C8orf34: variants seen among roughly 807,000 people sequenced by gnomAD.
C8orf34 encodes chromosome 8 open reading frame 34.
C8orf34 carries 65 observed loss-of-function variants against 68.3 expected under a neutral mutation model. The ratio of observed to expected loss-of-function variants is 0.95; its 90% CI spans 0.78 to 1.17. C8orf34 has a LOEUF of 1.17. Ranked by LOEUF, C8orf34 falls within the 50% of genes most tolerant of loss-of-function variation. The pLI, the probability that C8orf34 is intolerant of heterozygous loss-of-function variation, is 0.00. For synonymous variants in C8orf34, 244 were observed against 241.2 expected (o/e 1.01, Z -0.11); for missense variants, 664 against 655.4 (o/e 1.01, Z -0.14).
chr8:68,574,210 T>C (rs539525096), intron 7 of C8orf34, among the ~76,000 whole-genome samples: 1 of 152,226 alleles, frequency 6.6e-6, no homozygotes, highest in East Asian at 1.9e-4. Context: ...TAAGTATTAA[T>C]ATTTGATAGG....
chr8:68,770,751 T>A (rs183644126), intron 10 of C8orf34, among the ~76,000 whole-genome samples: 3,101 of 152,302 alleles, frequency 0.02, 56 homozygotes, highest in South Asian at 0.054. Flanking sequence ...ATGTTTTAAG[T>A]CATTTAAAAT....
chr8:68,496,400 A>G (rs1282215143), intron 5 of C8orf34, among the ~76,000 whole-genome samples: 1 of 152,190 alleles, frequency 6.6e-6, no homozygotes, highest in East Asian at 1.9e-4. Flanking sequence ...CAAATTTAAG[A>G]GAGAGGTAAT....
Position 68,463,211 on chromosome 8 carries a change from G to C in C8orf34, c.608-5481G>C, listed in dbSNP as rs574378476. On this transcript the variant is annotated intron_variant, in intron 3 of 13. Coordinates refer to ENST00000518698, the MANE Select transcript of C8orf34 (RefSeq NM_052958.4). Reference sequence around the variant, plus strand: ...TCTAGAAGAAATGGATAAATTCCTTGACACATACACCCTCCCAAGACTAAA... The same window carrying C: ...TCTAGAAGAAATGGATAAATTCCTTCACACATACACCCTCCCAAGACTAAA... Among the ~76,000 whole-genome samples the C allele has an allele frequency of 8.8e-3, 1,345 of 152,224 alleles. 19 individuals are homozygous for C. Among genetic ancestry groups the C allele is most frequent in the African/African-American group, 0.031 (1,270 of 41,496 alleles).
At chr8:68,738,023 G>A (rs1333786391) in intron 10 of C8orf34, among the ~76,000 whole-genome samples, 1 of 152,058 alleles carries the variant, frequency 6.6e-6, no homozygotes. Context: ...CACATAATCA[G>A]AAATAAAACA....
chr8:68,817,534 G>A (rs1486886748), intron 13 of C8orf34, among the ~76,000 whole-genome samples: 2 of 152,104 alleles, frequency 1.3e-5, no homozygotes, highest in Admixed American at 6.5e-5. Context: ...TGAGTAAGAT[G>A]GAGATTGAAG....
intron 7 of C8orf34, among the ~76,000 whole-genome samples, chr8:68,554,990 A>T (rs1383274928): frequency 2.0e-5 from 3 of 152,112 alleles, no homozygotes; most frequent in Admixed American, 2.0e-4. Context: ...TTTATTGTGG[A>T]TCTGAAAATA....
chr8:68,537,122 G>A (rs990872150), intron 7 of C8orf34, among the ~76,000 whole-genome samples: 7 of 152,014 alleles, frequency 4.6e-5, no homozygotes, highest in Admixed American at 2.0e-4. Context: ...AGAAGAATGT[G>A]CCCACATTGG....
intron 5 of C8orf34, among the ~76,000 whole-genome samples, chr8:68,495,079 A>G (rs1468707656): frequency 6.6e-6 from 1 of 151,758 alleles, no homozygotes; most frequent in Non-Finnish European, 1.5e-5. Context: ...AGGTCTCAAT[A>G]GCGAAGTACA....
chr8:68,376,066 A>T (rs1586013393), intron 1 of C8orf34, among the ~76,000 whole-genome samples: 1 of 152,224 alleles, frequency 6.6e-6, no homozygotes, highest in Non-Finnish European at 1.5e-5. Flanking sequence ...AGGTAAGGTC[A>T]ATGTCCCTGT....
In C8orf34 at chr8:68,815,815, G is replaced by C. The variant is rs773031325; in HGVS notation, c.1550-71G>C. Reference sequence around the variant, plus strand: ...ATCTTCACTAGAAATTGGCTAAAGCGCTAGGGAATGGTATTTAATCGATGA... The same window carrying C: ...ATCTTCACTAGAAATTGGCTAAAGCCCTAGGGAATGGTATTTAATCGATGA... On this transcript the variant is annotated intron_variant, in intron 12 of 13. Transcript: ENST00000518698. 1.4e-5 allele frequency: 22 copies of C among 1,611,896 alleles called. No individual in the cohort carries two copies. The Admixed American group carries it at 3.5e-4, about 26-fold the overall frequency.
intron 1 of C8orf34, among the ~76,000 whole-genome samples, chr8:68,398,064 T>G (rs1346958002): frequency 6.6e-6 from 1 of 152,154 alleles, no homozygotes; most frequent in African/African-American, 2.4e-5. Context: ...CCACTGCACC[T>G]GGCCTGTCTC....
At chr8:68,671,561 G>A (rs1820011306) in intron 8 of C8orf34, among the ~76,000 whole-genome samples, 1 of 152,134 alleles carries the variant, frequency 6.6e-6, no homozygotes, top group Admixed American at 6.5e-5. Flanking sequence ...ACTAGCATGG[G>A]AATGCTGAAT....
intron 7 of C8orf34, among the ~76,000 whole-genome samples, chr8:68,574,887 T>TA (rs35989318): frequency 4.6e-5 from 7 of 151,720 alleles, no homozygotes; most frequent in African/African-American, 1.4e-4. Context: ...ATGTCTTCTT[T>TA]AAAAAAAAGC....
chr8:68,517,857 A>G (rs1371315923), intron 5 of C8orf34, among the ~76,000 whole-genome samples: 1 of 152,188 alleles, frequency 6.6e-6, no homozygotes, highest in Non-Finnish European at 1.5e-5. Context: ...ATTCTGCCCC[A>G]TATGTAAATG....
At chr8:68,579,524 A>C (rs541342784) in intron 7 of C8orf34, among the ~76,000 whole-genome samples, 4 of 152,292 alleles carry the variant, frequency 2.6e-5, no homozygotes, top group African/African-American at 9.6e-5. Context: ...GCTTTAAGGA[A>C]CTAGTCTGAT....
At chr8:68,388,796 G>T (rs974348798) in intron 1 of C8orf34, among the ~76,000 whole-genome samples, 43 of 152,218 alleles carry the variant, frequency 2.8e-4, no homozygotes, top group African/African-American at 1.0e-3. Context: ...ACTATTTAGA[G>T]TAGTAAAAAT....
chr8:68,409,215 A>G (rs1809339422), intron 1 of C8orf34, among the ~76,000 whole-genome samples: 1 of 152,198 alleles, frequency 6.6e-6, no homozygotes, highest in Admixed American at 6.5e-5. Flanking sequence ...TTTAGAGTGT[A>G]CTTTTACTTA....
chr8:68,402,348 G>A (rs557548804), intron 1 of C8orf34, among the ~76,000 whole-genome samples: 3 of 151,826 alleles, frequency 2.0e-5, no homozygotes, highest in South Asian at 4.2e-4. Flanking sequence ...TTATCTTTTC[G>A]AGGAACTAAT....
intron 12 of C8orf34, among the ~76,000 whole-genome samples, chr8:68,806,800 A>G (rs538254016): frequency 6.6e-6 from 1 of 152,312 alleles, no homozygotes; most frequent in East Asian, 1.9e-4. Flanking sequence ...TGCCTAACAA[A>G]TCACCCCAAA....
Sources: allele counts gnomAD v4.1 joint callset (sites outside exome capture counted in the v4.1 genomes callset), GRCh38; gene constraint gnomAD v4.1.1; transcripts MANE v1.5; gene names NCBI Gene and HGNC (gene_info 2026-07-23, HGNC 2026-07-21).